GRID2: variants seen among roughly 807,000 people sequenced by gnomAD.
GRID2 encodes glutamate ionotropic receptor delta type subunit 2.
Under a neutral mutation model 114.8 loss-of-function variants are expected in GRID2, and 33 were observed. The ratio of observed to expected loss-of-function variants is 0.29; its 90% confidence interval spans 0.22 to 0.38. The LOEUF (loss-of-function observed/expected upper bound fraction) is 0.38. GRID2 is among the 10% of genes least tolerant of loss of function. The pLI, the probability that GRID2 is intolerant of heterozygous loss-of-function variation, is 1.00. For missense variants in GRID2, 1,184 were observed against 1,257.7 expected (o/e 0.94, Z 0.89); for synonymous variants, 505 against 449.9 (o/e 1.12, Z -1.55).
intron 2 of GRID2, among the ~76,000 whole-genome samples, chr4:92,602,100 G>C (rs6832040): frequency 0.38 from 57,012 of 151,292 alleles, 11,035 homozygotes; most frequent in African/African-American, 0.48. Flanking sequence ...GGAGCTGATA[G>C]CATTTCTTCT....
At chr4:93,397,523 C>G (rs1034411727) in intron 9 of GRID2, among the ~76,000 whole-genome samples, 7 of 151,844 alleles carry the variant, frequency 4.6e-5, no homozygotes, top group African/African-American at 1.7e-4. Context: ...CAGTTTTAAG[C>G]AAATAGTTAT....
At chr4:93,480,271 A>C (rs1000105536) in intron 11 of GRID2, among the ~76,000 whole-genome samples, 2 of 152,054 alleles carry the variant, frequency 1.3e-5, no homozygotes, top group Non-Finnish European at 2.9e-5. Flanking sequence ...CACATTAAAA[A>C]TGCCAAAAAA....
chr4:92,497,651 A>G (rs1723460552), intron 1 of GRID2, among the ~76,000 whole-genome samples: 1 of 151,878 alleles, frequency 6.6e-6, no homozygotes, highest in Admixed American at 6.6e-5. Context: ...AGAGCCAGAG[A>G]ATTAAAAATA....
chr4:93,420,735 T>TTTAG (rs917738442), intron 9 of GRID2, among the ~76,000 whole-genome samples: 3 of 32,942 alleles, frequency 9.1e-5, no homozygotes, highest in Non-Finnish European at 2.3e-4. Context: ...TTTTTACTTA[T>TTTAG]TTATTTATTT....
intron 7 of GRID2, among the ~76,000 whole-genome samples, chr4:93,236,303 A>G (rs911883657): frequency 4.6e-5 from 7 of 152,030 alleles, no homozygotes; most frequent in Non-Finnish European, 7.4e-5. Context: ...CAAGCAATCA[A>G]AGGGAACAAA....
chr4:93,170,669 A>G (rs1174767392), intron 4 of GRID2, among the ~76,000 whole-genome samples: 3 of 152,150 alleles, frequency 2.0e-5, no homozygotes, highest in Non-Finnish European at 4.4e-5. Flanking sequence ...CATAAATCCA[A>G]TTCCCAGAAA....
chr4:93,524,398 GTCAGTCA>G (rs1730628656), intron 13 of GRID2, among the ~76,000 whole-genome samples: 1 of 152,086 alleles, frequency 6.6e-6, no homozygotes, highest in South Asian at 2.1e-4. Flanking sequence ...TTAGGTCTGT[GTCAGTCA>G]TCACACAAAG....
rs144722094 is a variant in GRID2 at position 92,561,074 on chromosome 4, C to T, written c.89-29057C>T. On this transcript the variant is annotated intron_variant, in intron 1 of 15. Transcript: ENST00000282020. Reference sequence around the variant, plus strand: ...CCTTTGATATCTTCCTGAATATTTCCTATACCTTGTGATAGAGACAGCAGA... The same window carrying T: ...CCTTTGATATCTTCCTGAATATTTCTTATACCTTGTGATAGAGACAGCAGA... Among the ~76,000 whole-genome samples the T allele has an allele frequency of 5.5e-3, 841 of 152,156 alleles. 7 individuals carry two copies. Among genetic ancestry groups the T allele is most frequent in the African/African-American group, 0.017 (716 of 41,544 alleles).
At chr4:93,069,852 T>C (rs1728658244) in intron 2 of GRID2, among the ~76,000 whole-genome samples, 1 of 152,188 alleles carries the variant, frequency 6.6e-6, no homozygotes, top group African/African-American at 2.4e-5. Context: ...TCACTTACAC[T>C]TAGGCCTCTA....
At chr4:93,163,303 A>G (rs1737861460) in intron 4 of GRID2, among the ~76,000 whole-genome samples, 1 of 145,072 alleles carries the variant, frequency 6.9e-6, no homozygotes, top group Non-Finnish European at 1.5e-5. Context: ...TGGTTATCTC[A>G]AGACAGTAAG....
intron 2 of GRID2, among the ~76,000 whole-genome samples, chr4:92,954,440 T>A (rs938358886): frequency 2.0e-5 from 3 of 151,778 alleles, no homozygotes; most frequent in Non-Finnish European, 2.9e-5. Flanking sequence ...TTTATTTTAT[T>A]TTTTGAGACG....
intron 14 of GRID2, among the ~76,000 whole-genome samples, chr4:93,680,369 T>A (rs1023921277): frequency 2.4e-4 from 36 of 151,794 alleles, no homozygotes; most frequent in Non-Finnish European, 1.0e-4. Context: ...ACTGGTACCA[T>A]TCCTTCTGAA....
At chr4:92,322,064 G>T (rs1726344011) in intron 1 of GRID2, among the ~76,000 whole-genome samples, 1 of 152,228 alleles carries the variant, frequency 6.6e-6, no homozygotes, top group Non-Finnish European at 1.5e-5. Flanking sequence ...TCCTAGATTA[G>T]GCATTAGAAA....
chr4:92,465,958 GTC>G (rs1409128186), intron 1 of GRID2, among the ~76,000 whole-genome samples: 2 of 151,758 alleles, frequency 1.3e-5, no homozygotes, highest in African/African-American at 4.8e-5. Context: ...GAAGCTGAGA[GTC>G]TCACAGCCCC....
chr4:92,859,062 A>G (rs1373702547), intron 2 of GRID2, among the ~76,000 whole-genome samples: 1 of 152,204 alleles, frequency 6.6e-6, no homozygotes, highest in Non-Finnish European at 1.5e-5. Flanking sequence ...GATATCAAAC[A>G]GCATCACATT....
chr4:93,401,557 G>T (rs1765886595), intron 9 of GRID2, among the ~76,000 whole-genome samples: 1 of 152,008 alleles, frequency 6.6e-6, no homozygotes, highest in South Asian at 2.1e-4. Flanking sequence ...CACTGGGCAA[G>T]AAGCCACATA....
At chr4:92,885,390 A>G (rs567686791) in intron 2 of GRID2, among the ~76,000 whole-genome samples, 1 of 152,308 alleles carries the variant, frequency 6.6e-6, no homozygotes, top group East Asian at 1.9e-4. Context: ...CGTGGAGGGA[A>G]TTGTAAAACT....
intron 2 of GRID2, among the ~76,000 whole-genome samples, chr4:92,933,783 CT>C (rs745532278): frequency 6.6e-6 from 1 of 151,576 alleles, no homozygotes; most frequent in Non-Finnish European, 1.5e-5. Context: ...ATTTTTCTTT[CT>C]TTTCCTTGCT....
At chr4:92,412,136 TG>T (rs1731369973) in intron 1 of GRID2, among the ~76,000 whole-genome samples, 2 of 151,724 alleles carry the variant, frequency 1.3e-5, no homozygotes, top group Non-Finnish European at 2.9e-5. Context: ...TGTGTGTGTG[TG>T]GTGTGTGTGT....
Sources: allele counts gnomAD v4.1 joint callset (sites outside exome capture counted in the v4.1 genomes callset), GRCh38; gene constraint gnomAD v4.1.1; transcripts MANE v1.5; gene names NCBI Gene and HGNC (gene_info 2026-07-23, HGNC 2026-07-21).